The following GTF2IRD1 variants were observed in gnomAD, a reference collection of about 807,000 sequenced individuals.
The protein encoded by GTF2IRD1 is GTF2I repeat domain containing 1.
In GTF2IRD1, 26 loss-of-function variants were observed where a neutral mutation model predicts 113.2. That is an observed-to-expected ratio of 0.23 (90% CI 0.17 to 0.32). The LOEUF is 0.32. Ranked by LOEUF, GTF2IRD1 falls within the 10% of genes least tolerant of loss-of-function variation. The pLI, the probability that GTF2IRD1 is intolerant of heterozygous loss-of-function variation, is 1.00. For missense variants in GTF2IRD1, 864 were observed against 1,280.8 expected, an observed-to-expected ratio of 0.67 and a Z score of 4.97; for synonymous variants, 484 against 529.1, an observed-to-expected ratio of 0.91 and a Z score of 1.17.
chr7:74,557,018 A>C lies in GTF2IRD1; in HGVS notation c.2024-621A>C, dbSNP rs587671405. 1.3e-3 allele frequency among the ~76,000 whole-genome samples: 194 copies of C among 152,166 alleles called. 6 individuals are homozygous for C. The South Asian group carries it at 0.038, about 30-fold the overall frequency. ...CACTTTTGGAGGCTGAGGCAGGCAG[A>C]TCACTTGAGCTTGGGGGTTCGAGGC... On this transcript the variant is annotated intron_variant, in intron 19 of 26. Coordinates refer to ENST00000424337, the MANE Select transcript of GTF2IRD1 (RefSeq NM_005685.4).
At chr7:74,553,896 GCT>G (rs1348879800) in intron 17 of GTF2IRD1, among the ~76,000 whole-genome samples, 11 of 152,280 alleles carry the variant, frequency 7.2e-5, no homozygotes, top group Admixed American at 2.0e-4. Flanking sequence ...GCCTTTTCTA[GCT>G]CCTGAGACTG....
Position 74,601,042 on chromosome 7 carries a change from A to G in GTF2IRD1, c.2630-2A>G, listed in dbSNP as rs782577213. 1 of 1,614,148 alleles carries G rather than the reference A, an allele frequency of 6.2e-7. No homozygotes were observed. Among genetic ancestry groups the G allele is most frequent in the Non-Finnish European group, 8.5e-7 (1 of 1,180,006 alleles). On this transcript the variant is annotated splice_acceptor_variant, in intron 25 of 26. Coordinates refer to ENST00000424337, the MANE Select transcript of GTF2IRD1 (RefSeq NM_005685.4). LOFTEE classifies it high-confidence loss of function. The stretch of plus-strand genomic sequence containing the variant: ...GTCAACAGCCTTTTCCCCTCCTTCC[A>G]GCCAAAGACAGCAGCATTCCCAAGC...
Position 74,460,997 on chromosome 7 carries a change from C to T in GTF2IRD1, c.-7+6821C>T, listed in dbSNP as rs967753413. Among the ~76,000 whole-genome samples, 20 of 149,538 alleles carry T rather than the reference C, an allele frequency of 1.3e-4. 1 individual carries two copies. The highest frequency in any genetic ancestry group is 3.0e-5 in the Non-Finnish European group (2 of 67,410). ...GGGAAATGGGGGGAAAGTAAGGGGC[C>T]GGGGTCATGGGGTCCACGTCCACCT... is the stretch of plus-strand genomic sequence containing the variant. On this transcript the variant is annotated intron_variant, in intron 1 of 26. Coordinates refer to ENST00000424337, the MANE Select transcript of GTF2IRD1 (RefSeq NM_005685.4).
intron 1 of GTF2IRD1, among the ~76,000 whole-genome samples, chr7:74,466,335 GGGCCAGAGACA>G (rs1382081029): frequency 1.3e-5 from 2 of 152,156 alleles, no homozygotes; most frequent in African/African-American, 4.8e-5. Flanking sequence ...CAGAAGCGTA[GGGCCAGAGACA>G]GGACGTGACG....
intron 7 of GTF2IRD1, among the ~76,000 whole-genome samples, chr7:74,522,598 C>G (rs1554346236): frequency 2.0e-5 from 3 of 152,180 alleles, no homozygotes; most frequent in African/African-American, 7.2e-5. Flanking sequence ...CCCTCCCCCC[C>G]AACAACAACC....
intron 25 of GTF2IRD1, 61 bp downstream of exon 25, chr7:74,595,112 G>T (rs1164742446): frequency 7.8e-7 from 1 of 1,283,168 alleles, no homozygotes; most frequent in East Asian, 2.4e-5. Flanking sequence ...TGTTCCATTT[G>T]AAAAAAGGTA....
intron 22 of GTF2IRD1, among the ~76,000 whole-genome samples, chr7:74,564,460 G>C (rs1332976004): frequency 1.1e-4 from 17 of 152,308 alleles, no homozygotes; most frequent in Admixed American, 9.8e-4. Context: ...GGTCAAAAGA[G>C]ATGACTCAGG....
At position 74,482,920 on chromosome 7, in the gene GTF2IRD1, T is replaced by C. The variant is rs1203301318; in HGVS notation, c.-6-25155T>C. Among the ~76,000 whole-genome samples, 4 of 152,232 alleles carry C rather than the reference T, an allele frequency of 2.6e-5. No individual in the cohort carries two copies. In the South Asian group the frequency reaches 6.2e-4, roughly 24 times the overall value. ...TGTACCGTGGAAACAGATCAGGTCT[T>C]GCGCTGAAATTCGGATACCTCTGAA... On this transcript the variant is annotated intron_variant, in intron 1 of 26. Transcript: ENST00000424337.
intron 22 of GTF2IRD1, among the ~76,000 whole-genome samples, chr7:74,564,648 C>A (rs1485673602): frequency 2.6e-5 from 4 of 152,084 alleles, no homozygotes; most frequent in Non-Finnish European, 4.4e-5. Flanking sequence ...CCCAGCTACT[C>A]GGGAGGCTGA....
intron 4 of GTF2IRD1, among the ~76,000 whole-genome samples, chr7:74,516,783 T>C (rs1554344675): frequency 1.3e-5 from 2 of 151,906 alleles, no homozygotes; most frequent in Non-Finnish European, 2.9e-5. Flanking sequence ...CTGCCCGCCT[T>C]GCCCTGGCCC....
chr7:74,559,449 G>C (rs1246884240), intron 21 of GTF2IRD1, among the ~76,000 whole-genome samples, 178 bp from the exon 22 acceptor site: 2 of 152,244 alleles, frequency 1.3e-5, no homozygotes, highest in African/African-American at 2.4e-5. Context: ...CCAGCACCCT[G>C]CCACATTGTC....
At chr7:74,527,615 G>A (rs1441687259) in intron 8 of GTF2IRD1, among the ~76,000 whole-genome samples, 1 of 152,246 alleles carries the variant, frequency 6.6e-6, no homozygotes. Context: ...GCCAAGGCAG[G>A]CGGATCACCT....
In GTF2IRD1 at chr7:74,495,703, C is replaced by T. The variant is rs542858770; in HGVS notation, c.-6-12372C>T. Reference sequence around the variant, plus strand: ...GCACAACAGGAGGTGTTGACGAGCCCACAAGAGCTAAGAGGGAGCCAGCAG... The same window carrying T: ...GCACAACAGGAGGTGTTGACGAGCCTACAAGAGCTAAGAGGGAGCCAGCAG... On this transcript the variant is annotated intron_variant, in intron 1 of 26. Coordinates refer to ENST00000424337, the MANE Select transcript of GTF2IRD1 (RefSeq NM_005685.4). 2.5e-3 allele frequency among the ~76,000 whole-genome samples: 388 copies of T among 152,216 alleles called. 2 individuals are homozygous for T. The highest frequency in any genetic ancestry group is 5.7e-3 in the Admixed American group (87 of 15,272).
intron 3 of GTF2IRD1, 179 bp from the exon 4 acceptor site, chr7:74,515,262 C>A: frequency 7.6e-7 from 1 of 1,319,052 alleles, no homozygotes; most frequent in East Asian, 2.5e-5. Flanking sequence ...AGCCCTGGCC[C>A]TCAGTGGGGT....
chr7:74,594,104 C>A (rs587735347), intron 24 of GTF2IRD1, among the ~76,000 whole-genome samples: 1 of 151,818 alleles, frequency 6.6e-6, no homozygotes, highest in South Asian at 2.1e-4. Context: ...GAGCCTGAGG[C>A]AGGACAATCG....
At chr7:74,526,249 C>T (rs1005643104) in intron 8 of GTF2IRD1, among the ~76,000 whole-genome samples, 2 of 152,222 alleles carry the variant, frequency 1.3e-5, no homozygotes, top group Admixed American at 1.3e-4. Context: ...TGAGTCACAT[C>T]CAAAGAGTGT....
chr7:74,553,435 A>G (rs1799421804), intron 17 of GTF2IRD1, among the ~76,000 whole-genome samples: 1 of 151,980 alleles, frequency 6.6e-6, no homozygotes, highest in African/African-American at 2.4e-5. Context: ...CTGCAGGGGC[A>G]CGCCACCACA....
chr7:74,504,487 A>T (rs140588397), intron 1 of GTF2IRD1, among the ~76,000 whole-genome samples: 1 of 152,148 alleles, frequency 6.6e-6, no homozygotes, highest in Non-Finnish European at 1.5e-5. Context: ...GCGTGTGAGC[A>T]GCTGGTCTGT....
chr7:74,528,241 C>T (rs1436748402), intron 8 of GTF2IRD1, among the ~76,000 whole-genome samples: 2 of 152,162 alleles, frequency 1.3e-5, no homozygotes, highest in Non-Finnish European at 2.9e-5. Flanking sequence ...CAGACAGTCT[C>T]GCTCTGTCAC....
Sources: allele counts gnomAD v4.1 joint callset (sites outside exome capture counted in the v4.1 genomes callset), GRCh38; gene constraint gnomAD v4.1.1; transcripts MANE v1.5; gene names NCBI Gene and HGNC (gene_info 2026-07-23, HGNC 2026-07-21).